Variants in UNC45A observed in about 807,000 individuals in gnomAD.
UNC45A encodes protein unc-45 homolog A.
A neutral mutation model predicts 103.2 loss-of-function variants in UNC45A; 78 were observed. The observed-to-expected ratio is 0.76, with a 90% CI of 0.63 to 0.91. The LOEUF (loss-of-function observed/expected upper bound fraction) is 0.91, where lower values mean the gene tolerates loss of function less well. Ranked by LOEUF, UNC45A falls within the 40% of genes least tolerant of loss-of-function variation. The probability of loss-of-function intolerance (pLI) is 0.00; values close to 1 mark genes in which losing one functional copy is unlikely to be tolerated. For synonymous variants in UNC45A, 495 were observed against 504.6 expected, an observed-to-expected ratio of 0.98 and a Z score of 0.25; for missense variants, 1,193 against 1,224.8, an observed-to-expected ratio of 0.97 and a Z score of 0.39.
chr15:90,947,968 G>T, intron 11 of UNC45A, 78 bp downstream of exon 11: 1 of 1,433,882 alleles, frequency 7.0e-7, no homozygotes, highest in South Asian at 1.2e-5. Flanking sequence ...GGGGGTTGGG[G>T]CCTCCTCCGT....
chr15:90,942,644 G>A (rs757694554), intron 7 of UNC45A, 39 bp downstream of exon 7: 6 of 1,613,580 alleles, frequency 3.7e-6, no homozygotes, highest in South Asian at 1.1e-5. Flanking sequence ...GGACGTTACT[G>A]TCATGGAAGG....
chr15:90,948,326 G>A (rs761004738), intron 12 of UNC45A, 43 bp downstream of exon 12: 2 of 1,606,946 alleles, frequency 1.2e-6, no homozygotes, highest in Non-Finnish European at 1.7e-6. Context: ...ACACTGTCTA[G>A]GATTAGACCT....
At chr15:90,934,392 C>T (rs1347537627), upstream of UNC45A, 1 of 399,028 alleles carries the variant, frequency 2.5e-6, no homozygotes, top group East Asian at 3.6e-5. Flanking sequence ...CCATGGCCGT[C>T]ACTACCCTGG....
intron 10 of UNC45A, 196 bp from the exon 11 acceptor site, chr15:90,947,600 C>A: frequency 3.4e-6 from 2 of 597,014 alleles, no homozygotes; most frequent in Non-Finnish European, 6.0e-6. Context: ...GATGCTGTGT[C>A]ATGCGGCCAC....
rs2037055104 is a variant in UNC45A at position 90,953,556 on chromosome 15, C to T, written c.2675C>T (p.Ala892Val). 2 of 1,614,000 alleles carry T rather than the reference C, an allele frequency of 1.2e-6. No individual in the cohort carries two copies. The highest frequency in any genetic ancestry group is 1.1e-5 in the South Asian group (1 of 91,078). ...GTGGTGGTGCTGAACATGGTGGAGG[C>T]CTCGAGGGAGATTGCCAGCACCCTG... ...GAVVVLNMVE[A>V]SREIASTLME... The change falls in exon 20 of 20, where the codon GCC becomes GTC. Residue 892 changes from alanine (A) to valine (V), a missense_variant. Physicochemically the swap from Ala to Val is moderately conservative, Grantham distance 64. Transcript: ENST00000418476.
intron 2 of UNC45A, 21 bp from the exon 3 acceptor site, chr15:90,935,925 G>GAATGT (rs2035992508): frequency 1.2e-6 from 2 of 1,613,890 alleles, no homozygotes; most frequent in African/African-American, 2.7e-5. Context: ...ATTCCTTCAG[G>GAATGT]CTCCTGTCTT....
At chr15:90,930,208 G>A (rs2035742876) in exon 1 of UNC45A, 1 of 152,130 alleles carries the variant, frequency 6.6e-6, no homozygotes, top group African/African-American at 2.4e-5. Flanking sequence ...CCCGCAATGC[G>A]GAAGGGCGAG....
At chr15:90,950,119 G>A in intron 15 of UNC45A, 35 bp from the exon 16 acceptor site, 1 of 1,544,818 alleles carries the variant, frequency 6.5e-7, no homozygotes, top group Non-Finnish European at 8.8e-7. Flanking sequence ...TTACTCCCAG[G>A]GATGTCCTGA....
chr15:90,936,663 G>C (rs1055549163), intron 4 of UNC45A, among the ~76,000 whole-genome samples: 1 of 152,228 alleles, frequency 6.6e-6, no homozygotes, highest in Non-Finnish European at 1.5e-5. Context: ...TACACTTTTC[G>C]AGAAGGAGAG....
At chr15:90,941,958 CAAAAAAA>C (rs369044240) in intron 6 of UNC45A, among the ~76,000 whole-genome samples, 26 of 68,788 alleles carry the variant, frequency 3.8e-4, no homozygotes, top group African/African-American at 1.1e-3. Flanking sequence ...GACTCCGTCT[CAAAAAAA>C]AAAAAAAAAA....
intron 4 of UNC45A, among the ~76,000 whole-genome samples, chr15:90,937,096 A>G (rs2036060287): frequency 6.6e-6 from 1 of 152,236 alleles, no homozygotes; most frequent in South Asian, 2.1e-4. Flanking sequence ...CTGTAATCCC[A>G]GTGCTTTTGG....
At chr15:90,950,035 G>C (rs2036806747) in intron 15 of UNC45A, 119 bp from the exon 16 acceptor site, 1 of 929,646 alleles carries the variant, frequency 1.1e-6, no homozygotes, top group Non-Finnish European at 1.6e-6. Flanking sequence ...GGTCTGCACA[G>C]GGAGTCAAGC....
upstream of UNC45A, chr15:90,934,418 T>G: frequency 5.0e-6 from 2 of 399,108 alleles, no homozygotes; most frequent in Non-Finnish European, 4.4e-6. Context: ...TTTGCCCTCG[T>G]CTGTCTGATT....
At chr15:90,939,221 T>C (rs1434531485) in intron 4 of UNC45A, among the ~76,000 whole-genome samples, 1 of 152,184 alleles carries the variant, frequency 6.6e-6, no homozygotes, top group African/African-American at 2.4e-5. Flanking sequence ...CCTCAGGTGA[T>C]CCACCTGCCT....
In UNC45A at chr15:90,935,319, T is replaced by G; in HGVS notation, c.-6T>G. 1 of 1,602,278 alleles carries G rather than the reference T, an allele frequency of 6.2e-7. No individual in the cohort carries two copies. The highest frequency in any genetic ancestry group is 8.5e-7 in the Non-Finnish European group (1 of 1,176,388). On this transcript the variant is annotated 5_prime_UTR_variant, in exon 1 of 20. Coordinates refer to ENST00000418476, the MANE Select transcript of UNC45A (RefSeq NM_018671.5). Reference sequence around the variant, plus strand: ...GCCTGCGCGGGCACGAGACAACCTCTCCGCGATGACTGTGAGTGGTCCAGG... The same window carrying G: ...GCCTGCGCGGGCACGAGACAACCTCGCCGCGATGACTGTGAGTGGTCCAGG...
chr15:90,940,435 C>T lies in UNC45A; in HGVS notation c.649C>T (p.Arg217Cys), dbSNP rs369618410. 1.2e-4 allele frequency: 192 copies of T among 1,613,764 alleles called. No homozygotes were observed. The highest frequency in any genetic ancestry group is 1.6e-4 in the Non-Finnish European group (184 of 1,179,864). The change falls in exon 6 of 20, where the codon CGT becomes TGT. Residue 217 changes from arginine (R) to cysteine (C), a missense_variant. Coordinates refer to ENST00000418476, the MANE Select transcript of UNC45A (RefSeq NM_018671.5). ...GACTGACCTCATGCTGGCGGCTCTG[C>T]GTACGCTGGTTGGCATTTGCTCTGA... The part of the protein sequence containing the change: ...GETDLMLAAL[R>C]TLVGICSEHQ...
intron 15 of UNC45A, 82 bp from the exon 16 acceptor site, chr15:90,950,071 TG>T: frequency 1.5e-6 from 2 of 1,320,044 alleles, no homozygotes; most frequent in Admixed American, 2.0e-5. Flanking sequence ...AAGGTGAGGG[TG>T]GCACGGTCAG....
chr15:90,935,403 C>G (rs1225388829), intron 1 of UNC45A, 28 bp downstream of exon 1: 1 of 1,584,296 alleles, frequency 6.3e-7, no homozygotes, highest in Non-Finnish European at 8.6e-7. Context: ...GCGCCATCAC[C>G]CCTTCGCACC....
At chr15:90,941,821 C>T (rs1265225805) in intron 6 of UNC45A, among the ~76,000 whole-genome samples, 6 of 152,022 alleles carry the variant, frequency 3.9e-5, no homozygotes, top group Admixed American at 6.5e-5. Flanking sequence ...TAGCCGGGTG[C>T]GGTGGCGGGC....
Sources: gnomAD v4.1 joint callset for allele counts (sites outside exome capture counted in the v4.1 genomes callset) on GRCh38, gnomAD v4.1.1 for gene constraint, MANE v1.5 for transcripts, NCBI Gene and HGNC (gene_info 2026-07-23, HGNC 2026-07-21) for gene names.